Variants in KDM4B observed in about 807,000 individuals in gnomAD.
KDM4B encodes lysine-specific demethylase 4B.
KDM4B carries 32 observed loss-of-function variants against 125.2 expected under a neutral mutation model. The observed-to-expected ratio is 0.26, with a 90% CI of 0.19 to 0.34. The LOEUF is 0.34. Ranked by LOEUF, KDM4B falls within the 10% of genes least tolerant of loss-of-function variation. The pLI, the probability that KDM4B is intolerant of heterozygous loss-of-function variation, is 1.00. For synonymous variants in KDM4B, 721 were observed against 677.9 expected (o/e 1.06, Z -0.99); for missense variants, 1,190 against 1,577.7 (o/e 0.75, Z 4.16).
chr19:5,064,499 C>G (rs2037706972), intron 6 of KDM4B, among the ~76,000 whole-genome samples: 1 of 152,224 alleles, frequency 6.6e-6, no homozygotes, highest in Admixed American at 6.5e-5. Flanking sequence ...GTTTTCATCC[C>G]TGGCACCTAA....
intron 1 of KDM4B, among the ~76,000 whole-genome samples, chr19:4,969,949 C>T (rs190134083): frequency 6.6e-6 from 1 of 152,230 alleles, no homozygotes; most frequent in Non-Finnish European, 1.5e-5. Context: ...CTCCGTCCCT[C>T]CCCCTTCCAG....
intron 2 of KDM4B, among the ~76,000 whole-genome samples, chr19:5,019,972 GTGT>G (rs1202905056): frequency 2.7e-5 from 4 of 147,114 alleles, no homozygotes; most frequent in Non-Finnish European, 6.0e-5. Flanking sequence ...TAGTGTGCAG[GTGT>G]TGGTGTGGAT....
rs780910243 is a variant in KDM4B, at chr19:5,135,569, C to A, written c.2308+8C>A. ...GCCTGCAGGTCCATGCCAGTGAGTGCCACTGTGGGGCCCAGAGGAGCTGCG... is the reference window on the plus strand; with the variant it reads ...GCCTGCAGGTCCATGCCAGTGAGTGACACTGTGGGGCCCAGAGGAGCTGCG... On this transcript the variant is annotated splice_region_variant and intron_variant, in intron 15 of 22. Coordinates refer to ENST00000159111, the MANE Select transcript of KDM4B (RefSeq NM_015015.3). 5.1e-6 allele frequency: 8 copies of A among 1,581,832 alleles called. No homozygotes were observed. Among genetic ancestry groups the A allele is most frequent in the Non-Finnish European group, 6.9e-6 (8 of 1,166,528 alleles).
At chr19:4,984,812 C>T (rs951150775) in intron 1 of KDM4B, among the ~76,000 whole-genome samples, 7 of 152,270 alleles carry the variant, frequency 4.6e-5, no homozygotes, top group African/African-American at 1.7e-4. Flanking sequence ...CCCCACTTCG[C>T]AGGGTACCAG....
At chr19:5,131,672 G>C in intron 12 of KDM4B, 127 bp downstream of exon 12, 1 of 390,990 alleles carries the variant, frequency 2.6e-6, no homozygotes, top group South Asian at 3.0e-5. Context: ...CAGGAGGGCT[G>C]ACTGCTGGTT....
chr19:4,986,232 C>T (rs1009583767), intron 1 of KDM4B, among the ~76,000 whole-genome samples: 11 of 152,214 alleles, frequency 7.2e-5, no homozygotes, highest in African/African-American at 2.7e-4. Context: ...GCTTCACGAG[C>T]CACATTCGGG....
chr19:4,996,849 A>G (rs1220862239), intron 1 of KDM4B, among the ~76,000 whole-genome samples: 1 of 152,092 alleles, frequency 6.6e-6, no homozygotes, highest in East Asian at 1.9e-4. Flanking sequence ...CACTCTTGCT[A>G]TCTTGAGCTG....
At chr19:5,098,411 G>A (rs753553143) in intron 9 of KDM4B, among the ~76,000 whole-genome samples, 35 of 152,178 alleles carry the variant, frequency 2.3e-4, no homozygotes, top group Non-Finnish European at 4.7e-4. Context: ...AATTCAGACC[G>A]GAGAACAGCT....
intron 5 of KDM4B, among the ~76,000 whole-genome samples, chr19:5,042,802 A>T (rs2036865295): frequency 6.6e-6 from 1 of 151,734 alleles, no homozygotes; most frequent in Non-Finnish European, 1.5e-5. Flanking sequence ...CCCACGGTGC[A>T]GCCACCTCCC....
chr19:5,117,560 T>G lies in KDM4B; in HGVS notation c.1116-2093T>G, dbSNP rs964534511. Among the ~76,000 whole-genome samples, 10 of 152,202 alleles carry G rather than the reference T, an allele frequency of 6.6e-5. No homozygotes were observed. The East Asian group carries it at 1.7e-3, about 26-fold the overall frequency. The stretch of plus-strand genomic sequence containing the variant: ...TGCACCCCAGCGCCGGTCTGAAGCT[T>G]CCTCCTCCTGAGCCTGCTGTCTCCA... On this transcript the variant is annotated intron_variant, in intron 10 of 22. Coordinates refer to ENST00000159111, the MANE Select transcript of KDM4B (RefSeq NM_015015.3).
chr19:5,031,286 G>T (rs1475936525), intron 2 of KDM4B, among the ~76,000 whole-genome samples: 1 of 152,246 alleles, frequency 6.6e-6, no homozygotes, highest in African/African-American at 2.4e-5. Flanking sequence ...GCCCCGCGCA[G>T]TCAGAGGCTG....
chr19:5,130,094 C>T (rs1381007462), intron 11 of KDM4B, among the ~76,000 whole-genome samples: 1 of 152,200 alleles, frequency 6.6e-6, no homozygotes, highest in Non-Finnish European at 1.5e-5. Flanking sequence ...TTCACAGGCA[C>T]AGCGCAGCCT....
chr19:5,085,644 C>T (rs2038466405), intron 9 of KDM4B, among the ~76,000 whole-genome samples: 1 of 152,222 alleles, frequency 6.6e-6, no homozygotes, highest in Admixed American at 6.5e-5. Context: ...GGCAGGCGCC[C>T]AGGGCCTGGG....
chr19:5,057,030 G>A (rs1469197591), intron 6 of KDM4B, among the ~76,000 whole-genome samples: 1 of 33,586 alleles, frequency 3.0e-5, no homozygotes, highest in Non-Finnish European at 8.4e-5. Context: ...ATATATATGC[G>A]TGTGTGTGTG....
intron 2 of KDM4B, among the ~76,000 whole-genome samples, chr19:5,019,712 AGGT>A (rs1264256974): frequency 2.5e-5 from 2 of 81,028 alleles, no homozygotes; most frequent in Non-Finnish European, 4.9e-5. Flanking sequence ...GTTGGTGTGC[AGGT>A]GGTGTGCAGG....
At chr19:5,111,140 C>T (rs1235419822) in intron 10 of KDM4B, among the ~76,000 whole-genome samples, 1 of 152,264 alleles carries the variant, frequency 6.6e-6, no homozygotes, top group African/African-American at 2.4e-5. Flanking sequence ...CTGGGTGGCC[C>T]CAGGCCCCGT....
intron 9 of KDM4B, among the ~76,000 whole-genome samples, chr19:5,090,566 CCTTGCTCTCTCCCCCTCTCCCCCCT>C (rs2038674770): frequency 2.1e-5 from 1 of 47,006 alleles, no homozygotes; most frequent in Non-Finnish European, 4.7e-5. Flanking sequence ...TCTCTTTCCC[CCTTGCTCTCTCCCCCTCTCCCCCCT>C]CCCTCTCTTT....
chr19:4,990,814 A>T (rs372054470), intron 1 of KDM4B, among the ~76,000 whole-genome samples: 5 of 151,968 alleles, frequency 3.3e-5, no homozygotes, highest in South Asian at 4.2e-4. Context: ...TCCCTTTATT[A>T]TTTTTTTTAA....
In KDM4B at chr19:5,026,868, CTG is replaced by C. The variant is rs1403630758; in HGVS notation, c.-25-5997_-25-5996del. 1.7e-3 allele frequency among the ~76,000 whole-genome samples: 257 copies of C among 152,350 alleles called. 3 individuals carry two copies. Among genetic ancestry groups the C allele is most frequent in the African/African-American group, 5.7e-3 (238 of 41,572 alleles). ...CCCTGCCCTGGTGTCCCCATAGGAG[CTG>C]ACTGCCGCCCCCTTTCTGCAGCATT... is the stretch of plus-strand genomic sequence containing the variant. On this transcript the variant is annotated intron_variant, in intron 2 of 22. Coordinates refer to ENST00000159111, the MANE Select transcript of KDM4B (RefSeq NM_015015.3).
Sources: gnomAD v4.1 joint callset for allele counts (sites outside exome capture counted in the v4.1 genomes callset) on GRCh38, gnomAD v4.1.1 for gene constraint, MANE v1.5 for transcripts, NCBI Gene and HGNC (gene_info 2026-07-23, HGNC 2026-07-21) for gene names.